The following HIP1R variants were observed in gnomAD, a reference collection of about 807,000 sequenced individuals.
The protein encoded by HIP1R is huntingtin-interacting protein 1-related protein.
In HIP1R, 135 loss-of-function variants were observed where a neutral mutation model predicts 144.2. That is an observed-to-expected ratio of 0.94 (90% CI 0.81 to 1.08). The LOEUF (loss-of-function observed/expected upper bound fraction) is 1.08. Ranked by LOEUF, HIP1R falls within the 50% of genes least tolerant of loss-of-function variation. The pLI, the probability that HIP1R is intolerant of heterozygous loss-of-function variation, is 0.00. For missense variants in HIP1R, 1,462 were observed against 1,432.8 expected (o/e 1.02, Z -0.33); for synonymous variants, 698 against 612.8 (o/e 1.14, Z -2.05).
At position 122,861,690 on chromosome 12, in the gene HIP1R, C is replaced by G; in HGVS notation, c.3160-16C>G. 1.3e-5 allele frequency: 21 copies of G among 1,614,006 alleles called. No homozygotes were observed. The highest frequency in any genetic ancestry group is 1.8e-5 in the Non-Finnish European group (21 of 1,179,932). ...CCTGGCTGTGACCACTGACCCCCCA[C>G]CTTTAACCCCTGCAGCTTGACAAAA... is the stretch of plus-strand genomic sequence containing the variant. On this transcript the variant is annotated splice_polypyrimidine_tract_variant and intron_variant, in intron 31 of 31. Transcript: ENST00000253083.
chr12:122,857,935 T>G, intron 18 of HIP1R, 167 bp from the exon 19 acceptor site: 3 of 510,126 alleles, frequency 5.9e-6, no homozygotes, highest in Non-Finnish European at 1.0e-5. Context: ...TTTTTATTCT[T>G]GAGCTGTGCA....
chr12:122,859,743 CCAGCTCACGGCT>C lies in HIP1R; in HGVS notation c.2407-27_2407-16del, dbSNP rs1159912129. 2 of 1,607,862 alleles carry C rather than the reference CCAGCTCACGGCT, an allele frequency of 1.2e-6. No homozygotes were observed. The highest frequency in any genetic ancestry group is 1.7e-5 in the Admixed American group (1 of 59,756). On this transcript the variant is annotated splice_polypyrimidine_tract_variant and intron_variant, in intron 23 of 31. Coordinates refer to ENST00000253083, the MANE Select transcript of HIP1R (RefSeq NM_003959.3). ...CAGGACCACGGTCCCCTCCTCCCAGCCAGCTCACGGCTCTGTTCTTGGGTGCAGGACATGATG... is the reference window on the plus strand; with the variant it reads ...CAGGACCACGGTCCCCTCCTCCCAGCCTGTTCTTGGGTGCAGGACATGATG...
At position 122,860,526 on chromosome 12, in the gene HIP1R, A is replaced by C; in HGVS notation, c.2660+3A>C. The stretch of plus-strand genomic sequence containing the variant: ...GGCTGGGGAGCCACACAGCTGGTGT[A>C]GGTTGCCCTGGGTGGGGGGGGGCAG... On this transcript the variant is annotated splice_donor_region_variant and intron_variant, in intron 27 of 31. Transcript: ENST00000253083. The C allele has an allele frequency of 1.9e-5, 23 of 1,241,262 alleles. No individual in the cohort carries two copies. The highest frequency in any genetic ancestry group is 2.5e-5 in the Non-Finnish European group (21 of 846,950). The allele number at this position is 1,241,262 out of a possible 1,614,324, so 76.9% of individuals were successfully genotyped here.
intron 6 of HIP1R, 151 bp downstream of exon 6, chr12:122,851,062 G>T: frequency 1.1e-6 from 1 of 880,730 alleles, no homozygotes; most frequent in South Asian, 1.6e-5. Context: ...GGGACAGAGG[G>T]TGAAGTTAAA....
Position 122,856,022 on chromosome 12 carries a change from C to T in HIP1R, c.1171C>T (p.Leu391=), listed in dbSNP as rs982995026. The part of the protein sequence containing the change: ...IAQLKSQVNA[L]EGELEEQRKQ... ...GCAGCTGAAGAGCCAGGTGAATGCA[C>T]TGGAGGGTGAGCTGGAGGAGCAGCG... Residue 391 remains leucine, a synonymous_variant, in exon 14 of 32, where the codon CTG becomes TTG. Transcript: ENST00000253083. 3 of 1,596,776 alleles carry T rather than the reference C, an allele frequency of 1.9e-6. No homozygotes were observed. Among genetic ancestry groups the T allele is most frequent in the Non-Finnish European group, 2.6e-6 (3 of 1,171,950 alleles).
At position 122,836,746 on chromosome 12, in the gene HIP1R, A is replaced by G. The variant is rs2032906059; in HGVS notation, c.93+1103A>G. Among the ~76,000 whole-genome samples the G allele has an allele frequency of 6.6e-6, 1 of 152,094 alleles. No individual in the cohort carries two copies. Among genetic ancestry groups the G allele is most frequent in the African/African-American group, 2.4e-5 (1 of 41,402 alleles). On this transcript the variant is annotated intron_variant, in intron 1 of 31. Coordinates refer to ENST00000253083, the MANE Select transcript of HIP1R (RefSeq NM_003959.3). The surrounding 1 kb of genome is among the most constrained non-coding windows in gnomAD (Gnocchi z 4.1). ...TTCCGTCCCACTTGTCCTTGCAGAG[A>G]GCTATGACTTCTGCGGTTGCCTTCA...
chr12:122,860,149 C>G lies in HIP1R; in HGVS notation c.2498C>G (p.Ala833Gly). ...ILNSCTDLMK[A>G]IRLLVTTSTS... The stretch of plus-strand genomic sequence containing the variant: ...TCATTGCTGTCTTGGTCTCGGCAGG[C>G]TATCCGGCTCCTGGTGACGACATCC... The change falls in exon 26 of 32, where the codon GCT becomes GGT. Residue 833 changes from alanine to glycine, a missense_variant and splice_region_variant. Physicochemically the swap from Ala to Gly is moderately conservative, Grantham distance 60. This residue lies in a region of HIP1R where 1,112 missense variants were observed against 1,011.7 expected (regional missense o/e 1.10). Transcript: ENST00000253083. 6.3e-7 allele frequency: 1 copy of G among 1,582,316 alleles called. No homozygotes were observed.
chr12:122,835,100 A>C (rs112066678), upstream of HIP1R: 63,448 of 917,442 alleles, frequency 0.069, 2,932 homozygotes, highest in East Asian at 0.23. Context: ...CCCTTCCCCT[A>C]CCCTCCCCTC....
chr12:122,835,576 C>G lies in HIP1R; in HGVS notation c.26C>G (p.Ala9Gly). 7.4e-7 allele frequency: 1 copy of G among 1,347,762 alleles called. No individual in the cohort carries two copies. The highest frequency in any genetic ancestry group is 9.6e-7 in the Non-Finnish European group (1 of 1,040,714). The allele number at this position is 1,347,762 out of a possible 1,614,324, so 83.5% of individuals were successfully genotyped here. A position where few individuals can be genotyped will look rare whatever the true frequency, so the allele number is the denominator to read the frequency against. ...ATGAACAGCATCAAGAACGTGCCGGCGCGGGTGCTGAGCCGCAGGCCGGGC... is the reference window on the plus strand; with the variant it reads ...ATGAACAGCATCAAGAACGTGCCGGGGCGGGTGCTGAGCCGCAGGCCGGGC... The part of the protein sequence containing the change: MNSIKNVP[A>G]RVLSRRPGHS... Residue 9 changes from alanine to glycine, a missense_variant, in exon 1 of 32, where the codon GCG becomes GGG. Ala to Gly is a moderately conservative substitution (Grantham distance 60). Transcript: ENST00000253083.
Position 122,858,364 on chromosome 12 carries a change from G to C in HIP1R, c.1979G>C (p.Arg660Thr). The C allele has an allele frequency of 6.2e-7, 1 of 1,610,114 alleles. No homozygotes were observed. Among genetic ancestry groups the C allele is most frequent in the Non-Finnish European group, 8.5e-7 (1 of 1,177,898 alleles). Residue 660 changes from arginine (R) to threonine (T), a missense_variant, in exon 20 of 32, where the codon AGG (arginine) becomes ACG (threonine). Physicochemically the swap from Arg to Thr is moderately conservative, Grantham distance 71 (BLOSUM62 -1). Transcript: ENST00000253083. ...CTSSPDYLVS[R>T]AQEALDAVST... ...GTGCTTGCAGACTACCTGGTGAGCA[G>C]GGCCCAGGAGGCCTTGGATGCCGTG...
chr12:122,843,361 C>T (rs957877488), intron 1 of HIP1R, among the ~76,000 whole-genome samples: 17 of 152,222 alleles, frequency 1.1e-4, no homozygotes, highest in South Asian at 2.1e-4. Flanking sequence ...CCCACCTGCT[C>T]CGAGGTTCCT....
At position 122,855,031 on chromosome 12, in the gene HIP1R, G is replaced by A. The variant is rs201464595; in HGVS notation, c.777-22G>A. On this transcript the variant is annotated intron_variant, in intron 9 of 31. Coordinates refer to ENST00000253083, the MANE Select transcript of HIP1R (RefSeq NM_003959.3). ...GGCTCCGTGGCCCCTTCCTGAACCC[G>A]AACTTCCCACCATCTCTGCAGCCTC... 200 of 1,613,814 alleles carry A rather than the reference G, an allele frequency of 1.2e-4. No individual in the cohort carries two copies. In the East Asian group the frequency reaches 3.7e-3, roughly 29 times the overall value.
rs1180840040 is a variant in HIP1R at position 122,854,971 on chromosome 12, T to TGGGACA, written c.776+18_776+23dup. The TGGGACA allele has an allele frequency of 3.7e-6, 6 of 1,612,984 alleles. No homozygotes were observed. Among genetic ancestry groups the TGGGACA allele is most frequent in the African/African-American group, 1.3e-5 (1 of 74,866 alleles). ...CACGAGCAGTTTCACAGGTACTGCC[T>TGGGACA]GGGACAGGGACAGGATTGAGGCCGG... On this transcript the variant is annotated intron_variant, in intron 9 of 31. Coordinates refer to ENST00000253083, the MANE Select transcript of HIP1R (RefSeq NM_003959.3).
Position 122,848,794 on chromosome 12 carries a change from A to G in HIP1R, c.301-2A>G. Reference sequence around the variant, plus strand: ...CCCACTCCCGTATTCCCTGCGCTGCAGGTGCTGCATGACTGCCAGCGGTAC... The same window carrying G: ...CCCACTCCCGTATTCCCTGCGCTGCGGGTGCTGCATGACTGCCAGCGGTAC... On this transcript the variant is annotated splice_acceptor_variant, in intron 3 of 31. Transcript: ENST00000253083. LOFTEE classifies it high-confidence loss of function. 1.2e-6 allele frequency: 2 copies of G among 1,613,226 alleles called. No individual in the cohort carries two copies. Among genetic ancestry groups the G allele is most frequent in the Non-Finnish European group, 1.7e-6 (2 of 1,179,964 alleles).
chr12:122,851,331 T>G, intron 7 of HIP1R, 34 bp downstream of exon 7: 4 of 1,488,212 alleles, frequency 2.7e-6, no homozygotes, highest in Non-Finnish European at 1.8e-6. Flanking sequence ...GGGGTCTGAG[T>G]GTATTGCTAA....
intron 1 of HIP1R, among the ~76,000 whole-genome samples, chr12:122,846,394 G>T (rs904344040): frequency 2.0e-5 from 3 of 152,222 alleles, no homozygotes; most frequent in Non-Finnish European, 4.4e-5. Context: ...TTGCTGGGAG[G>T]CGAGTTGCCC....
chr12:122,840,615 C>A lies in HIP1R; in HGVS notation c.93+4972C>A, dbSNP rs1475837876. ...GTTGTGTTCAGAAGAGCAGGCTGGGCTGAAAGAGAGAAACAAGCTCCCTGT... is the reference window on the plus strand; with the variant it reads ...GTTGTGTTCAGAAGAGCAGGCTGGGATGAAAGAGAGAAACAAGCTCCCTGT... On this transcript the variant is annotated intron_variant, in intron 1 of 31. Coordinates refer to ENST00000253083, the MANE Select transcript of HIP1R (RefSeq NM_003959.3). This position sits in a 1 kb window ranked among gnomAD's most constrained non-coding sequence, Gnocchi z 4.2. 6.6e-6 allele frequency among the ~76,000 whole-genome samples: 1 copy of A among 152,196 alleles called. No homozygotes were observed. The highest frequency in any genetic ancestry group is 1.5e-5 in the Non-Finnish European group (1 of 68,040).
At chr12:122,835,801 G>GA (rs2032871741) in intron 1 of HIP1R, among the ~76,000 whole-genome samples, 158 bp downstream of exon 1, 1 of 148,410 alleles carries the variant, frequency 6.7e-6, no homozygotes, top group Non-Finnish European at 1.5e-5. Context: ...GGCTCTCCGA[G>GA]AGCTCCGCTG....
chr12:122,854,143 C>G lies in HIP1R; in HGVS notation c.678C>G (p.Leu226=). The G allele has an allele frequency of 1.2e-6, 2 of 1,613,924 alleles. No homozygotes were observed. Among genetic ancestry groups the G allele is most frequent in the Non-Finnish European group, 1.7e-6 (2 of 1,179,948 alleles). Reference sequence around the variant, plus strand: ...AGGTCATCCAGGACTGCAGCCACCTCTACCACTACACGGTCAAGCTCCTGT... The same window carrying G: ...AGGTCATCCAGGACTGCAGCCACCTGTACCACTACACGGTCAAGCTCCTGT... ...LIQVIQDCSH[L]YHYTVKLLFK... The change falls in exon 8 of 32, where the codon CTC becomes CTG. Residue 226 remains leucine, a synonymous_variant. Coordinates refer to ENST00000253083, the MANE Select transcript of HIP1R (RefSeq NM_003959.3).
Sources: allele counts gnomAD v4.1 joint callset (sites outside exome capture counted in the v4.1 genomes callset), GRCh38; gene constraint gnomAD v4.1.1; regional missense constraint gnomAD v4.1.1; non-coding constraint Gnocchi (gnomAD v3.1); transcripts MANE v1.5; gene names NCBI Gene and HGNC (gene_info 2026-07-23, HGNC 2026-07-21).